The following LRRTM4 variants were observed in gnomAD, a reference collection of about 807,000 sequenced individuals.
The protein encoded by LRRTM4 is leucine-rich repeat transmembrane neuronal protein 4.
Under a neutral mutation model 47.6 loss-of-function variants are expected in LRRTM4, and 25 were observed. The observed-to-expected ratio is 0.53, with a 90% confidence interval of 0.38 to 0.73. The LOEUF (loss-of-function observed/expected upper bound fraction) is 0.73. LRRTM4 is among the 30% of genes least tolerant of loss of function. The probability of loss-of-function intolerance (pLI) is 0.00; values close to 1 mark genes in which losing one functional copy is unlikely to be tolerated. For synonymous variants in LRRTM4, 311 were observed against 269.5 expected (o/e 1.15, Z -1.51); for missense variants, 638 against 713.4 (o/e 0.89, Z 1.20).
intron 3 of LRRTM4, among the ~76,000 whole-genome samples, chr2:76,968,892 A>T (rs1001186834): frequency 7.3e-5 from 11 of 151,720 alleles, no homozygotes; most frequent in African/African-American, 2.4e-4. Context: ...CTTTGTTGTC[A>T]ATGTATTAAA....
chr2:76,808,468 C>T (rs1670629546), intron 3 of LRRTM4, among the ~76,000 whole-genome samples: 1 of 149,266 alleles, frequency 6.7e-6, no homozygotes, highest in African/African-American at 2.5e-5. Flanking sequence ...AATACATAGA[C>T]CTATAAAGGA....
At chr2:77,055,506 G>A (rs979440222) in intron 3 of LRRTM4, among the ~76,000 whole-genome samples, 13 of 152,204 alleles carry the variant, frequency 8.5e-5, no homozygotes, top group Non-Finnish European at 1.6e-4. Flanking sequence ...TCTCACACCA[G>A]TTAGAATGGC....
At chr2:76,927,300 A>G (rs978925509) in intron 3 of LRRTM4, among the ~76,000 whole-genome samples, 7 of 152,104 alleles carry the variant, frequency 4.6e-5, no homozygotes, top group African/African-American at 1.7e-4. Flanking sequence ...ACTTCTCCCA[A>G]AATGATCCAA....
intron 3 of LRRTM4, among the ~76,000 whole-genome samples, chr2:76,826,533 G>GA (rs5832255): frequency 0.48 from 72,133 of 151,432 alleles, 18,538 homozygotes; most frequent in East Asian, 0.76. Context: ...TTGCTACATA[G>GA]AAAAAATACA....
chr2:76,997,332 G>T (rs1677238121), intron 3 of LRRTM4, among the ~76,000 whole-genome samples: 1 of 131,314 alleles, frequency 7.6e-6, no homozygotes, highest in Non-Finnish European at 1.6e-5. Flanking sequence ...GTACCTACCA[G>T]TATAAATGCT....
At chr2:77,043,904 T>C (rs1230491497) in intron 3 of LRRTM4, among the ~76,000 whole-genome samples, 1 of 148,702 alleles carries the variant, frequency 6.7e-6, no homozygotes, top group African/African-American at 2.5e-5. Flanking sequence ...CATAAACAGG[T>C]AAAAACATTT....
chr2:76,974,167 T>C (rs139372141), intron 3 of LRRTM4, among the ~76,000 whole-genome samples: 1,321 of 111,776 alleles, frequency 0.012, 16 homozygotes, highest in Non-Finnish European at 0.016. Context: ...TATATATATA[T>C]ACATACATAT....
intron 3 of LRRTM4, among the ~76,000 whole-genome samples, chr2:77,066,057 G>A (rs1369433091): frequency 6.6e-6 from 1 of 151,716 alleles, no homozygotes; most frequent in Admixed American, 6.6e-5. Context: ...TCTCAGAGAA[G>A]AATAAAAATG....
Position 77,310,196 on chromosome 2 carries a change from CG to C in LRRTM4, c.1551+208121del, listed in dbSNP as rs1435245170. ...AAAAAGGCATTTGCATGTGTATGTACGGGGAAGGACAAATACCATAATGTTG... is the reference window on the plus strand; with the variant it reads ...AAAAAGGCATTTGCATGTGTATGTACGGGAAGGACAAATACCATAATGTTG... On this transcript the variant is annotated intron_variant, in intron 3 of 3. Coordinates refer to ENST00000409884, the MANE Select transcript of LRRTM4 (RefSeq NM_001134745.3). 1.1e-4 allele frequency among the ~76,000 whole-genome samples: 17 copies of C among 152,054 alleles called. No homozygotes were observed. The East Asian group carries it at 3.3e-3, about 29-fold the overall frequency.
Position 77,518,568 on chromosome 2 carries a change from A to C in LRRTM4, c.1301T>G (p.Leu434Arg). The C allele has an allele frequency of 6.2e-7, 1 of 1,613,404 alleles. No homozygotes were observed. Among genetic ancestry groups the C allele is most frequent in the Non-Finnish European group, 8.5e-7 (1 of 1,179,626 alleles). ...KIIAGSVALF[L>R]SVAMILLVIY... ...CACCAAGAGGATCATGGCCACTGAG[A>C]GAAAGAGAGCCACACTCCCGGCAAT... Residue 434 changes from leucine to arginine, a missense_variant, in exon 3 of 4, where the codon CTC becomes CGC. Physicochemically the swap from Leu to Arg is moderately radical, Grantham distance 102 (BLOSUM62 -2). Transcript: ENST00000409884.
At chr2:77,099,968 G>GT (rs1015337367) in intron 3 of LRRTM4, among the ~76,000 whole-genome samples, 5 of 152,042 alleles carry the variant, frequency 3.3e-5, no homozygotes, top group Non-Finnish European at 2.9e-5. Context: ...ATTAATAACA[G>GT]TTTTTTTAAT....
intron 3 of LRRTM4, among the ~76,000 whole-genome samples, chr2:76,786,599 A>C (rs1389441177): frequency 6.6e-6 from 1 of 152,136 alleles, no homozygotes; most frequent in East Asian, 1.9e-4. Flanking sequence ...GAAGAAAACC[A>C]AAACAAAGCT....
At chr2:76,966,652 C>T (rs1177162678) in intron 3 of LRRTM4, among the ~76,000 whole-genome samples, 2 of 151,410 alleles carry the variant, frequency 1.3e-5, no homozygotes, top group Non-Finnish European at 3.0e-5. Flanking sequence ...GTCTTCCGTT[C>T]ACTTCTTCAT....
At chr2:76,999,395 T>C (rs1677328691) in intron 3 of LRRTM4, among the ~76,000 whole-genome samples, 1 of 150,286 alleles carries the variant, frequency 6.7e-6, no homozygotes, top group African/African-American at 2.4e-5. Flanking sequence ...GGGCCAATCG[T>C]AGAGCTGCAA....
intron 3 of LRRTM4, among the ~76,000 whole-genome samples, chr2:77,456,426 T>C (rs1386736625): frequency 6.6e-6 from 1 of 152,182 alleles, no homozygotes; most frequent in Admixed American, 6.6e-5. Context: ...AGGCTAACTG[T>C]CCAGGCTTAC....
chr2:77,407,641 TAA>T (rs1674251939), intron 3 of LRRTM4, among the ~76,000 whole-genome samples: 1 of 137,748 alleles, frequency 7.3e-6, no homozygotes, highest in African/African-American at 2.8e-5. Context: ...TATTATTATA[TAA>T]TATATATTAT....
In LRRTM4 at chr2:76,748,783, C is replaced by A; in HGVS notation, c.1685G>T (p.Gly562Val). 6.2e-7 allele frequency: 1 copy of A among 1,613,986 alleles called. No individual in the cohort carries two copies. The highest frequency in any genetic ancestry group is 8.5e-7 in the Non-Finnish European group (1 of 1,179,884). The change falls in exon 4 of 4, where the codon GGC becomes GTC. Residue 562 changes from glycine to valine, a missense_variant. Physicochemically the swap from Gly to Val is moderately radical, Grantham distance 109 (BLOSUM62 -3). Transcript: ENST00000409884. ...GCTGTGGTCTCGGCCCAGCTCCAGG[C>A]CGGGGCTTTCGTCCTGCTCTGGAGA... is the stretch of plus-strand genomic sequence containing the variant. The part of the protein sequence containing the change: ...TVSPEQDESP[G>V]LELGRDHSFI...
chr2:76,954,402 A>G (rs1325463071), intron 3 of LRRTM4, among the ~76,000 whole-genome samples: 2 of 151,898 alleles, frequency 1.3e-5, no homozygotes, highest in Admixed American at 6.6e-5. Context: ...GAAGAATACA[A>G]TGACCGAATT....
chr2:76,808,809 C>A (rs565674375), intron 3 of LRRTM4, among the ~76,000 whole-genome samples: 1 of 136,812 alleles, frequency 7.3e-6, no homozygotes, highest in East Asian at 2.5e-4. Flanking sequence ...AACTGCTGAG[C>A]ATTTTCTGCT....
Sources: gnomAD v4.1 joint callset for allele counts (sites outside exome capture counted in the v4.1 genomes callset) on GRCh38, gnomAD v4.1.1 for gene constraint, MANE v1.5 for transcripts, NCBI Gene and HGNC (gene_info 2026-07-23, HGNC 2026-07-21) for gene names.